Variants in ABCA4 observed in about 807,000 individuals in gnomAD.
The protein encoded by ABCA4 is retinal-specific phospholipid-transporting ATPase ABCA4.
A neutral mutation model predicts 263.7 loss-of-function variants in ABCA4; 196 were observed. The observed-to-expected ratio is 0.74, with a 90% CI of 0.66 to 0.84. ABCA4 has a LOEUF of 0.84. ABCA4 is among the 40% of genes least tolerant of loss of function. The pLI, the probability that ABCA4 is intolerant of heterozygous loss-of-function variation, is 0.00. For missense variants in ABCA4, 2,792 were observed against 2,855.1 expected, an observed-to-expected ratio of 0.98 and a Z score of 0.50; for synonymous variants, 1,133 against 1,094.2, an observed-to-expected ratio of 1.04 and a Z score of -0.70.
intron 44 of ABCA4, 181 bp downstream of exon 44, chr1:94,005,260 C>T (rs1659341497): frequency 1.4e-6 from 1 of 729,068 alleles, no homozygotes; most frequent in African/African-American, 1.8e-5. Flanking sequence ...CTGTCTTGTT[C>T]ACTGCTATAC....
At position 94,005,685 on chromosome 1, in the gene ABCA4, T is replaced by G. The variant is rs926899372; in HGVS notation, c.6006-103A>C. 78 of 1,152,778 alleles carry G rather than the reference T, an allele frequency of 6.8e-5. No homozygotes were observed. In the African/African-American group the frequency reaches 9.8e-4, roughly 15 times the overall value. The allele number at this position is 1,152,778 out of a possible 1,614,324, so 71.4% of individuals were successfully genotyped here. ...CTGCCAACGGGAAAAGGAAGCTGCT[T>G]CTTCTCTTCTCCTATTTGGCTTCAG... On this transcript the variant is annotated intron_variant, in intron 43 of 49. Coordinates refer to ENST00000370225, the MANE Select transcript of ABCA4 (RefSeq NM_000350.3).
chr1:94,096,859 T>C (rs756409514), intron 6 of ABCA4, among the ~76,000 whole-genome samples: 2 of 152,184 alleles, frequency 1.3e-5, no homozygotes, highest in African/African-American at 2.4e-5. Context: ...TGCACGAACC[T>C]GGGTACCCAG....
rs1306685675 is a variant in ABCA4 at position 94,036,799 on chromosome 1, G to A, written c.3814-11C>T. The A allele has an allele frequency of 2.5e-6, 4 of 1,613,324 alleles. No individual in the cohort carries two copies. The highest frequency in any genetic ancestry group is 3.4e-6 in the Non-Finnish European group (4 of 1,179,396). On this transcript the variant is annotated splice_polypyrimidine_tract_variant and intron_variant, in intron 25 of 49. Coordinates refer to ENST00000370225, the MANE Select transcript of ABCA4 (RefSeq NM_000350.3). ...GACCTTCAGAAAAATCTGTCAAGAAGAAAAAAAGAGAGAATTTTGTTTAGT... is the reference window on the plus strand; with the variant it reads ...GACCTTCAGAAAAATCTGTCAAGAAAAAAAAAAGAGAGAATTTTGTTTAGT...
intron 36 of ABCA4, among the ~76,000 whole-genome samples, chr1:94,019,176 T>C (rs72958450): frequency 0.013 from 2,014 of 151,998 alleles, 39 homozygotes; most frequent in African/African-American, 0.046. Context: ...AAGTTTTACC[T>C]TTACCCTTTT....
intron 17 of ABCA4, 130 bp downstream of exon 17, chr1:94,051,503 C>T: frequency 1.3e-5 from 11 of 833,196 alleles, no homozygotes; most frequent in Middle Eastern, 2.2e-4. Flanking sequence ...GGGCAGAGCC[C>T]CAGGAGGCAG....
chr1:94,089,404 C>T (rs1248322380), intron 6 of ABCA4, among the ~76,000 whole-genome samples: 2 of 151,880 alleles, frequency 1.3e-5, no homozygotes. Flanking sequence ...AGTGAAATGG[C>T]TATAATGAAA....
In ABCA4 at chr1:93,998,106, C is replaced by T. The variant is rs545397722; in HGVS notation, c.6484G>A (p.Gly2162Arg). The T allele has an allele frequency of 5.0e-6, 8 of 1,614,122 alleles. No individual in the cohort carries two copies. In the African/African-American group the frequency reaches 6.7e-5, roughly 13 times the overall value. ...TTCATTGTGACGATATAGCCATCTC[C>T]AAATCTAGGGGATGCACACAGTGCA... Reference protein sequence around the residue: ...GTIQHLKSKFGDGYIVTMKIK... With the variant: ...GTIQHLKSKFRDGYIVTMKIK... The change falls in exon 48 of 50, where the codon GGA becomes AGA. Residue 2162 changes from glycine (G) to arginine (R), a missense_variant. By Grantham distance (125) the Gly-to-Arg change is moderately radical (BLOSUM62 -2). Coordinates refer to ENST00000370225, the MANE Select transcript of ABCA4 (RefSeq NM_000350.3).
chr1:94,078,773 G>C, intron 9 of ABCA4, 67 bp from the exon 10 acceptor site: 1 of 1,087,278 alleles, frequency 9.2e-7, no homozygotes. Flanking sequence ...ACTTTTGGTT[G>C]TGTCTTTTCT....
intron 5 of ABCA4, 135 bp from the exon 6 acceptor site, chr1:94,099,126 G>T: frequency 1.0e-6 from 1 of 993,858 alleles, no homozygotes; most frequent in Non-Finnish European, 1.5e-6. Flanking sequence ...TAAAGCCACT[G>T]ATTAGCTGAT....
At position 94,007,731 on chromosome 1, in the gene ABCA4, G is replaced by A. The variant is rs28938473; in HGVS notation, c.5908C>T (p.Leu1970Phe). 4.8e-3 allele frequency: 7,724 copies of A among 1,613,956 alleles called. 25 individuals are homozygous for A. Among genetic ancestry groups the A allele is most frequent in the Non-Finnish European group, 5.8e-3 (6,853 of 1,179,960 alleles). ...TTGCCGGCACCATTCACTCCCAGGA[G>A]GCCAAAGCACTAGGAGAAAACACAG... ...VGVRPGECFG[L>F]LGVNGAGKTT... The change falls in exon 43 of 50, where the codon CTC becomes TTC. Residue 1970 changes from leucine (L) to phenylalanine (F), a missense_variant. Coordinates refer to ENST00000370225, the MANE Select transcript of ABCA4 (RefSeq NM_000350.3).
chr1:94,044,993 G>A (rs999995001), intron 19 of ABCA4, among the ~76,000 whole-genome samples: 4 of 152,196 alleles, frequency 2.6e-5, no homozygotes, highest in Admixed American at 6.5e-5. Flanking sequence ...GGCCAACGCC[G>A]AGGGCCTTTG....
chr1:94,010,821 C>T lies in ABCA4; in HGVS notation c.5693G>A (p.Arg1898His), dbSNP rs1800552. The change falls in exon 40 of 50, where the codon CGC (arginine) becomes CAC (histidine). Residue 1898 changes from arginine (R) to histidine (H), a missense_variant. Arg to His is a conservative substitution (Grantham distance 29). Transcript: ENST00000370225. ...GTACCATTGGGAGAGGAAGAAGTGG[C>T]GCTGGACCAGCAGGGTCAGGAGGAA... ...VYFLLTLLVQ[R>H]HFFLSQWIAE... The T allele has an allele frequency of 1.8e-3, 2,847 of 1,614,100 alleles. 3 individuals carry two copies. Among genetic ancestry groups the T allele is most frequent in the Non-Finnish European group, 2.1e-3 (2,441 of 1,180,012 alleles).
At position 94,077,762 on chromosome 1, in the gene ABCA4, C is replaced by T; in HGVS notation, c.1482G>A (p.Met494Ile). 1 of 1,614,160 alleles carries T rather than the reference C, an allele frequency of 6.2e-7. No individual in the cohort carries two copies. Among genetic ancestry groups the T allele is most frequent in the Non-Finnish European group, 8.5e-7 (1 of 1,180,018 alleles). ...KGPRESQADDMANFDWRDIFN... is the reference protein window; with the variant it reads ...KGPRESQADDIANFDWRDIFN... Reference sequence around the variant, plus strand: ...ATATGTCCCTCCAGTCGAAGTTGGCCATGTCGTCAGCCTGGCTTTCCCGAG... The same window carrying T: ...ATATGTCCCTCCAGTCGAAGTTGGCTATGTCGTCAGCCTGGCTTTCCCGAG... Residue 494 changes from methionine to isoleucine, a missense_variant, in exon 11 of 50, where the codon ATG becomes ATA. Met to Ile is a conservative substitution (Grantham distance 10). Transcript: ENST00000370225.
chr1:94,048,849 T>G lies in ABCA4; in HGVS notation c.2743+19A>C. 6.2e-7 allele frequency: 1 copy of G among 1,612,798 alleles called. No homozygotes were observed. Among genetic ancestry groups the G allele is most frequent in the Non-Finnish European group, 8.5e-7 (1 of 1,178,800 alleles). On this transcript the variant is annotated intron_variant, in intron 18 of 49. Coordinates refer to ENST00000370225, the MANE Select transcript of ABCA4 (RefSeq NM_000350.3). ...GCCTTTTCCTCGCCTCTGCTGTGTA[T>G]TCTTTATCGGGGTTTTACCGTGTAT... is the stretch of plus-strand genomic sequence containing the variant.
chr1:94,002,780 GC>G (rs1209410964), intron 44 of ABCA4, among the ~76,000 whole-genome samples: 2 of 152,138 alleles, frequency 1.3e-5, no homozygotes, highest in Non-Finnish European at 2.9e-5. Context: ...TGCAAACCCT[GC>G]CCCAGCAGTT....
At chr1:94,028,678 G>T (rs984322444) in intron 30 of ABCA4, among the ~76,000 whole-genome samples, 1 of 152,138 alleles carries the variant, frequency 6.6e-6, no homozygotes, top group Admixed American at 6.5e-5. Flanking sequence ...AGGCAGAAGT[G>T]GGTAGATCAC....
chr1:94,099,196 C>G (rs1409811673), intron 5 of ABCA4, among the ~76,000 whole-genome samples: 1 of 152,000 alleles, frequency 6.6e-6, no homozygotes, highest in South Asian at 2.1e-4. Context: ...TCACAAGGGT[C>G]CCTTAAATGT....
intron 49 of ABCA4, among the ~76,000 whole-genome samples, chr1:93,995,414 G>A (rs1658971695): frequency 6.6e-6 from 1 of 152,190 alleles, no homozygotes. Flanking sequence ...CCAGGCTTAA[G>A]CCAAGGCATT....
At position 94,019,646 on chromosome 1, in the gene ABCA4, T is replaced by G. The variant is rs754737758; in HGVS notation, c.5132A>C (p.His1711Pro). ...LIQERVNKSK[H>P]LQFISGVSPT... ...GCTCACTCCACTGATAAACTGGAGG[T>G]GCTTGGATTTGTTCACCCGCTCCTG... The change falls in exon 36 of 50, where the codon CAC becomes CCC. Residue 1711 changes from histidine to proline, a missense_variant. Physicochemically the swap from His to Pro is moderately conservative, Grantham distance 77. Transcript: ENST00000370225. 4 of 1,612,296 alleles carry G rather than the reference T, an allele frequency of 2.5e-6. No homozygotes were observed. The South Asian group carries it at 4.4e-5, about 18-fold the overall frequency.
Sources: gnomAD v4.1 joint callset for allele counts (sites outside exome capture counted in the v4.1 genomes callset) on GRCh38, gnomAD v4.1.1 for gene constraint, MANE v1.5 for transcripts, NCBI Gene and HGNC (gene_info 2026-07-23, HGNC 2026-07-21) for gene names.